The following PDE3A variants were observed in gnomAD, a reference collection of about 807,000 sequenced individuals.
PDE3A encodes cGMP-inhibited 3',5'-cyclic phosphodiesterase 3A.
A neutral mutation model predicts 98.3 loss-of-function variants in PDE3A; 43 were observed. The ratio of observed to expected loss-of-function variants is 0.44; its 90% CI spans 0.34 to 0.56. PDE3A has a LOEUF of 0.56. Among genes scored for constraint, PDE3A ranks in the 20% least tolerant of loss-of-function variants. PDE3A has a pLI of 0.01. For synonymous variants in PDE3A, 663 were observed against 567.9 expected, an observed-to-expected ratio of 1.17 and a Z score of -2.38; for missense variants, 1,427 against 1,440.7, an observed-to-expected ratio of 0.99 and a Z score of 0.15.
intron 2 of PDE3A, among the ~76,000 whole-genome samples, chr12:20,596,815 A>C (rs1225387929): frequency 6.6e-6 from 1 of 152,158 alleles, no homozygotes; most frequent in East Asian, 1.9e-4. Context: ...TGATGATGTT[A>C]ACAAGTTCCC....
intron 1 of PDE3A, among the ~76,000 whole-genome samples, chr12:20,375,123 A>T (rs572938343): frequency 6.6e-6 from 1 of 152,032 alleles, no homozygotes; most frequent in South Asian, 2.1e-4. Flanking sequence ...AATTGAGATT[A>T]AAAAATATTA....
intron 1 of PDE3A, among the ~76,000 whole-genome samples, chr12:20,388,908 A>C (rs1428511316): frequency 6.6e-6 from 1 of 152,072 alleles, no homozygotes; most frequent in Non-Finnish European, 1.5e-5. Context: ...ATGGTGCCAC[A>C]TCTAGGATTA....
At position 20,546,126 on chromosome 12, in the gene PDE3A, TA is replaced by T. The variant is rs1045092192; in HGVS notation, c.961-10526del. Among the ~76,000 whole-genome samples the T allele has an allele frequency of 6.6e-5, 10 of 151,914 alleles. No homozygotes were observed. The South Asian group carries it at 1.2e-3, about 19-fold the overall frequency. The stretch of plus-strand genomic sequence containing the variant: ...CAGGCGGTTCCTGCCAGCAGAGATT[TA>T]AAAAAAATTATGCAGGTGGGTAAGT... On this transcript the variant is annotated intron_variant, in intron 1 of 15. Coordinates refer to ENST00000359062, the MANE Select transcript of PDE3A (RefSeq NM_000921.5).
At chr12:20,608,153 C>G (rs1943760077) in intron 2 of PDE3A, among the ~76,000 whole-genome samples, 1 of 152,126 alleles carries the variant, frequency 6.6e-6, no homozygotes, top group Admixed American at 6.6e-5. Context: ...AGCAGCCAGT[C>G]CATCTTTCTG....
intron 4 of PDE3A, among the ~76,000 whole-genome samples, chr12:20,620,911 A>G (rs1944117562): frequency 6.6e-6 from 1 of 152,130 alleles, no homozygotes; most frequent in Non-Finnish European, 1.5e-5. Flanking sequence ...AGTAAACATT[A>G]TGACACTTAC....
At chr12:20,387,757 T>A (rs182368559) in intron 1 of PDE3A, among the ~76,000 whole-genome samples, 1 of 152,152 alleles carries the variant, frequency 6.6e-6, no homozygotes, top group Admixed American at 6.6e-5. Flanking sequence ...TTTCTGATTA[T>A]GAAACATTGT....
intron 13 of PDE3A, 98 bp downstream of exon 13, chr12:20,648,989 G>C (rs183876844): frequency 5.4e-6 from 4 of 739,156 alleles, no homozygotes; most frequent in Non-Finnish European, 8.6e-6. Context: ...GCAGTGGCAC[G>C]ATCTTGGCTC....
Position 20,369,476 on chromosome 12 carries a change from G to C in PDE3A, c.192G>C (p.Ala64=). Residue 64 remains alanine (A), a synonymous_variant, in exon 1 of 16, where the codon GCG becomes GCC. Transcript: ENST00000359062. The stretch of plus-strand genomic sequence containing the variant: ...GGAGCTCTCGGAAACTTTCCTCCGC[G>C]CTGTGCGCGGGCTCCCTGTCCTTTC... ...PLRSSRKLSS[A]LCAGSLSFLL... is the part of the protein sequence containing the mutation. 3 of 1,556,292 alleles carry C rather than the reference G, an allele frequency of 1.9e-6. No homozygotes were observed. Among genetic ancestry groups the C allele is most frequent in the Non-Finnish European group, 2.6e-6 (3 of 1,150,668 alleles).
At chr12:20,506,274 G>T (rs1296538090) in intron 1 of PDE3A, among the ~76,000 whole-genome samples, 1 of 151,812 alleles carries the variant, frequency 6.6e-6, no homozygotes, top group African/African-American at 2.4e-5. Flanking sequence ...TTGTTTCCTT[G>T]GAAGTTATAC....
chr12:20,666,075 C>A (rs1945302797), intron 15 of PDE3A, among the ~76,000 whole-genome samples: 2 of 147,858 alleles, frequency 1.4e-5, no homozygotes, highest in South Asian at 4.3e-4. Flanking sequence ...TGAAGTGATT[C>A]TCCTGCCTCA....
At chr12:20,508,316 T>G (rs1446658101) in intron 1 of PDE3A, among the ~76,000 whole-genome samples, 1 of 151,972 alleles carries the variant, frequency 6.6e-6, no homozygotes, top group Non-Finnish European at 1.5e-5. Flanking sequence ...CCAGCCCTCT[T>G]TATGATACTC....
At chr12:20,666,356 G>T (rs879286838) in intron 15 of PDE3A, among the ~76,000 whole-genome samples, 2 of 152,036 alleles carry the variant, frequency 1.3e-5, no homozygotes, top group Non-Finnish European at 2.9e-5. Context: ...ACCTTACTCT[G>T]CTATCGAAGA....
At chr12:20,568,674 A>G (rs1367560742) in intron 2 of PDE3A, among the ~76,000 whole-genome samples, 1 of 151,928 alleles carries the variant, frequency 6.6e-6, no homozygotes. Flanking sequence ...GAATATTAAA[A>G]TTTTCTGTAT....
chr12:20,481,460 G>T (rs1394422376), intron 1 of PDE3A, among the ~76,000 whole-genome samples: 1 of 152,066 alleles, frequency 6.6e-6, no homozygotes, highest in Non-Finnish European at 1.5e-5. Context: ...TGACGTTGTT[G>T]TTGTTGTTGT....
intron 1 of PDE3A, among the ~76,000 whole-genome samples, chr12:20,386,130 TAA>T (rs1373666428): frequency 3.1e-5 from 2 of 64,114 alleles, no homozygotes; most frequent in African/African-American, 1.3e-4. Context: ...TAAATATATA[TAA>T]ATATATATAA....
chr12:20,380,494 A>C (rs567753086), intron 1 of PDE3A, among the ~76,000 whole-genome samples: 1 of 152,024 alleles, frequency 6.6e-6, no homozygotes, highest in South Asian at 2.1e-4. Context: ...TTTAAGTCAA[A>C]TAAGAATGTT....
At chr12:20,674,491 C>T (rs12820620) in intron 15 of PDE3A, among the ~76,000 whole-genome samples, 5,427 of 152,172 alleles carry the variant, frequency 0.036, 116 homozygotes, top group Middle Eastern at 0.065. Flanking sequence ...TAGTTTTTAT[C>T]ATGAAGTGAT....
At chr12:20,612,043 T>C (rs1011571705) in intron 2 of PDE3A, among the ~76,000 whole-genome samples, 1 of 151,952 alleles carries the variant, frequency 6.6e-6, no homozygotes, top group Non-Finnish European at 1.5e-5. Flanking sequence ...TGCTGGATCA[T>C]AGAATATATA....
At position 20,576,994 on chromosome 12, in the gene PDE3A, C is replaced by G. The variant is rs114276141; in HGVS notation, c.1011+20284C>G. 8.1e-3 allele frequency among the ~76,000 whole-genome samples: 1,225 copies of G among 151,756 alleles called. 23 individuals carry two copies. The highest frequency in any genetic ancestry group is 0.028 in the African/African-American group (1,170 of 41,378). ...CAATGAAGAGATTGAGGAGTTAGCA[C>G]CCTCCAATACATCACAGGTGCAGCA... is the stretch of plus-strand genomic sequence containing the variant. On this transcript the variant is annotated intron_variant, in intron 2 of 15. Coordinates refer to ENST00000359062, the MANE Select transcript of PDE3A (RefSeq NM_000921.5).
Sources: gnomAD v4.1 joint callset for allele counts (sites outside exome capture counted in the v4.1 genomes callset) on GRCh38, gnomAD v4.1.1 for gene constraint, MANE v1.5 for transcripts, NCBI Gene and HGNC (gene_info 2026-07-23, HGNC 2026-07-21) for gene names.